Variants in DST observed in about 807,000 individuals in gnomAD.
DST encodes the protein bullous pemphigoid antigen.
A neutral mutation model predicts 875.2 loss-of-function variants in DST; 253 were observed. That is an observed-to-expected ratio of 0.29 (90% CI 0.26 to 0.32). The LOEUF (loss-of-function observed/expected upper bound fraction) is 0.32. DST is among the 10% of genes least tolerant of loss of function. The pLI, the probability that DST is intolerant of heterozygous loss-of-function variation, is 1.00. For synonymous variants in DST, 3,124 were observed against 3,197.1 expected (o/e 0.98, Z 0.77); for missense variants, 8,287 against 9,111.6 (o/e 0.91, Z 3.68).
At chr6:56,584,763 G>A (rs375696537) in intron 49 of DST, among the ~76,000 whole-genome samples, 8,597 of 151,388 alleles carry the variant, frequency 0.057, 716 homozygotes, top group African/African-American at 0.2. Context: ...TTTGAGATAC[G>A]TCCCATCAAT....
intron 4 of DST, among the ~76,000 whole-genome samples, chr6:56,835,479 C>T (rs1316536154): frequency 6.6e-6 from 1 of 152,176 alleles, no homozygotes; most frequent in African/African-American, 2.4e-5. Context: ...TATGTAGTTT[C>T]TGCTCAATTT....
intron 9 of DST, among the ~76,000 whole-genome samples, chr6:56,681,793 A>G (rs887549667): frequency 1.3e-5 from 2 of 152,208 alleles, no homozygotes; most frequent in African/African-American, 4.8e-5. Context: ...GAAAATCTGC[A>G]TTAATTCATT....
intron 46 of DST, 85 bp downstream of exon 46, chr6:56,598,391 T>A (rs920833251): frequency 8.8e-6 from 7 of 794,212 alleles, no homozygotes; most frequent in Non-Finnish European, 1.1e-5. Flanking sequence ...AATCCTTATT[T>A]ACTACCACTG....
chr6:56,944,849 T>C (rs925144254), intron 2 of DST, among the ~76,000 whole-genome samples: 3 of 152,234 alleles, frequency 2.0e-5, no homozygotes, highest in Non-Finnish European at 4.4e-5. Context: ...GTGACAGTTC[T>C]GGCCAGTGAA....
rs563485133 is a variant in DST, at chr6:56,680,432, T to C, written c.1048-9625A>G. On this transcript the variant is annotated intron_variant, in intron 9 of 103. Coordinates refer to ENST00000680361, the MANE Select transcript of DST (RefSeq NM_001374736.1). ...TCAGCAAACACTCATAAATGTCCAC[T>C]TGTACCATTAACAGGCATTGGTTAT... 2.0e-5 allele frequency among the ~76,000 whole-genome samples: 3 copies of C among 152,316 alleles called. No individual in the cohort carries two copies. The South Asian group carries it at 6.2e-4, about 32-fold the overall frequency.
chr6:56,776,027 T>C (rs2152983874), intron 4 of DST, among the ~76,000 whole-genome samples: 1 of 152,328 alleles, frequency 6.6e-6, no homozygotes, highest in African/African-American at 2.4e-5. Flanking sequence ...TGGCAAACTT[T>C]ACCGCAGTCA....
At chr6:56,920,226 T>A (rs1803379329) in intron 2 of DST, among the ~76,000 whole-genome samples, 1 of 152,190 alleles carries the variant, frequency 6.6e-6, no homozygotes, top group South Asian at 2.1e-4. Flanking sequence ...CTGCTCAGCC[T>A]TCCCCTCCAA....
intron 4 of DST, among the ~76,000 whole-genome samples, chr6:56,744,514 T>C (rs1398453081): frequency 3.3e-5 from 5 of 152,112 alleles, no homozygotes; most frequent in African/African-American, 1.2e-4. Flanking sequence ...ATATTGCAAG[T>C]AAACAGCTGT....
At chr6:56,522,768 G>C (rs2096730469) in intron 69 of DST, among the ~76,000 whole-genome samples, 2 of 152,064 alleles carry the variant, frequency 1.3e-5, no homozygotes, top group Non-Finnish European at 2.9e-5. Context: ...GCTGAAGAAA[G>C]CTTGGGATTC....
At chr6:56,865,276 T>C (rs1232412296) in intron 3 of DST, among the ~76,000 whole-genome samples, 1 of 151,348 alleles carries the variant, frequency 6.6e-6, no homozygotes, top group Non-Finnish European at 1.5e-5. Flanking sequence ...TGTGTGTGTG[T>C]GTGTGTGTGT....
intron 4 of DST, among the ~76,000 whole-genome samples, chr6:56,785,131 C>T (rs1016423772): frequency 6.6e-6 from 1 of 152,204 alleles, no homozygotes. Flanking sequence ...TGTCAGTCTG[C>T]CCCTACTGGG....
chr6:56,598,363 A>G, intron 46 of DST, 113 bp downstream of exon 46: 2 of 670,916 alleles, frequency 3.0e-6, no homozygotes, highest in Non-Finnish European at 4.6e-6. Context: ...CCAGAATCCC[A>G]TAATAATCCT....
chr6:56,620,682 C>T, intron 36 of DST: 1 of 1,613,894 alleles, frequency 6.2e-7, no homozygotes, highest in South Asian at 1.1e-5. Flanking sequence ...TCTGAATATG[C>T]CCCATGTTCA....
intron 4 of DST, chr6:56,843,249 G>T: frequency 3.8e-6 from 5 of 1,302,120 alleles, no homozygotes; most frequent in Non-Finnish European, 5.0e-6. Flanking sequence ...CTGGAAAAGA[G>T]GAAGGAGCAG....
chr6:56,574,602 T>C (rs766480687), intron 50 of DST, among the ~76,000 whole-genome samples: 29 of 152,124 alleles, frequency 1.9e-4, no homozygotes, highest in Non-Finnish European at 4.1e-4. Context: ...ACCTATCTCA[T>C]ATGAGGATAA....
At chr6:56,728,409 A>G (rs2099478368) in intron 5 of DST, among the ~76,000 whole-genome samples, 1 of 152,230 alleles carries the variant, frequency 6.6e-6, no homozygotes, top group Admixed American at 6.5e-5. Context: ...ACTGTTTCCA[A>G]TTAAAGCAGG....
In DST at chr6:56,614,418, T is replaced by A; in HGVS notation, c.4996A>T (p.Asn1666Tyr). ...KAKELQKWVS[N>Y]ISKTLKDAEK... Reference sequence around the variant, plus strand: ...GCATCTTTCAATGTCTTGCTGATATTTGATACCCATTTTTGCAATTCTTTG... The same window carrying A: ...GCATCTTTCAATGTCTTGCTGATATATGATACCCATTTTTGCAATTCTTTG... The change falls in exon 37 of 104, where the codon AAT becomes TAT. Residue 1666 changes from asparagine to tyrosine, a missense_variant. Transcript: ENST00000680361. 5 of 1,611,582 alleles carry A rather than the reference T, an allele frequency of 3.1e-6. No homozygotes were observed. Among genetic ancestry groups the A allele is most frequent in the Non-Finnish European group, 3.4e-6 (4 of 1,178,890 alleles).
intron 69 of DST, among the ~76,000 whole-genome samples, chr6:56,524,451 C>A (rs749975953): frequency 2.0e-5 from 3 of 151,930 alleles, no homozygotes; most frequent in Non-Finnish European, 4.4e-5. Context: ...GGGTTTTTCT[C>A]TATATATAAT....
chr6:56,642,660 A>G lies in DST; in HGVS notation c.1779-157T>C, dbSNP rs764913069. 44 of 1,614,082 alleles carry G rather than the reference A, an allele frequency of 2.7e-5. No homozygotes were observed. The Admixed American group carries it at 7.0e-4, about 26-fold the overall frequency. On this transcript the variant is annotated intron_variant, in intron 15 of 103. Transcript: ENST00000680361. ...AGGATTCACTGCCGAAGCTAATGCA[A>G]GAGTTGATCAGTGTTGGACCACAAT... is the stretch of plus-strand genomic sequence containing the variant.
Sources: gnomAD v4.1 joint callset for allele counts (sites outside exome capture counted in the v4.1 genomes callset) on GRCh38, gnomAD v4.1.1 for gene constraint, MANE v1.5 for transcripts, NCBI Gene and HGNC (gene_info 2026-07-23, HGNC 2026-07-21) for gene names.